NME7: variants seen among roughly 807,000 people sequenced by gnomAD.
The protein encoded by NME7 is nucleoside diphosphate kinase 7.
A neutral mutation model predicts 49.1 loss-of-function variants in NME7; 41 were observed. The observed-to-expected ratio is 0.83, with a 90% CI of 0.65 to 1.08. The LOEUF is 1.08. NME7 is among the 50% of genes least tolerant of loss of function. NME7 has a pLI of 0.00. For synonymous variants in NME7, 139 were observed against 150.6 expected (o/e 0.92, Z 0.56); for missense variants, 423 against 463.4 (o/e 0.91, Z 0.80).
At chr1:169,333,254 GA>G (rs369488318) in intron 1 of NME7, among the ~76,000 whole-genome samples, 18 of 151,676 alleles carry the variant, frequency 1.2e-4, no homozygotes, top group African/African-American at 3.9e-4. Flanking sequence ...TCTAAAAAAT[GA>G]AAAAAAATTG....
chr1:169,258,572 C>T (rs1017438436), intron 7 of NME7, among the ~76,000 whole-genome samples: 1 of 128,674 alleles, frequency 7.8e-6, no homozygotes, highest in South Asian at 2.4e-4. Flanking sequence ...ATTATAAGAA[C>T]ACTGTTTCTT....
At chr1:169,254,542 G>T (rs1452827117) in intron 7 of NME7, among the ~76,000 whole-genome samples, 2 of 151,564 alleles carry the variant, frequency 1.3e-5, no homozygotes, top group South Asian at 2.1e-4. Flanking sequence ...TTTTTGAAGG[G>T]TTTTTTGTAT....
chr1:169,149,583 C>T (rs1291817425), intron 11 of NME7, among the ~76,000 whole-genome samples: 1 of 151,876 alleles, frequency 6.6e-6, no homozygotes, highest in African/African-American at 2.4e-5. Context: ...ATAAATTATG[C>T]ACAGTTAAGG....
At chr1:169,213,560 G>C (rs1234069357) in intron 10 of NME7, among the ~76,000 whole-genome samples, 1 of 152,044 alleles carries the variant, frequency 6.6e-6, no homozygotes, top group East Asian at 1.9e-4. Flanking sequence ...CATCTTTCCT[G>C]TGTATCACTC....
chr1:169,286,173 A>G (rs1467704258), intron 7 of NME7: 4 of 151,642 alleles, frequency 2.6e-5, no homozygotes, highest in Non-Finnish European at 4.4e-5. Flanking sequence ...CATGTGTAGC[A>G]GTGTACACAC....
intron 11 of NME7, among the ~76,000 whole-genome samples, chr1:169,159,535 AC>A (rs1255305009): frequency 2.0e-5 from 3 of 152,356 alleles, no homozygotes; most frequent in African/African-American, 7.2e-5. Flanking sequence ...TGCTATTCTC[AC>A]ATGGCTCTGA....
chr1:169,367,260 T>C (rs910323575), intron 1 of NME7, among the ~76,000 whole-genome samples: 2 of 151,972 alleles, frequency 1.3e-5, no homozygotes, highest in Non-Finnish European at 2.9e-5. Context: ...ATGGCCCTCG[T>C]GGGGGCGTGG....
chr1:169,204,464 C>T (rs1169242707), intron 10 of NME7, among the ~76,000 whole-genome samples: 4 of 151,954 alleles, frequency 2.6e-5, no homozygotes, highest in Admixed American at 6.6e-5. Context: ...TATACTATAT[C>T]CAATGCTTCA....
chr1:169,285,236 T>A (rs1650225764), intron 7 of NME7: 2 of 152,072 alleles, frequency 1.3e-5, no homozygotes, highest in South Asian at 4.1e-4. Flanking sequence ...TGGTTGAAAA[T>A]GCTACAACGA....
At chr1:169,134,827 TA>T (rs1206166410) in intron 11 of NME7, among the ~76,000 whole-genome samples, 2 of 151,696 alleles carry the variant, frequency 1.3e-5, no homozygotes, top group Non-Finnish European at 2.9e-5. Flanking sequence ...GTAAATATGA[TA>T]AAAAGCATGG....
intron 10 of NME7, among the ~76,000 whole-genome samples, chr1:169,182,957 A>G (rs900193774): frequency 6.6e-6 from 1 of 152,188 alleles, no homozygotes; most frequent in Admixed American, 6.5e-5. Context: ...CTAAGTAACC[A>G]CCATTTATCT....
chr1:169,233,934 CTTT>C (rs1444803398), intron 9 of NME7, among the ~76,000 whole-genome samples: 1 of 150,030 alleles, frequency 6.7e-6, no homozygotes, highest in Non-Finnish European at 1.5e-5. Context: ...TCCTTTGTTT[CTTT>C]CTTTCTTCTT....
chr1:169,347,898 C>A (rs1349732279), intron 1 of NME7, among the ~76,000 whole-genome samples: 5 of 152,082 alleles, frequency 3.3e-5, no homozygotes, highest in African/African-American at 1.2e-4. Context: ...ATATGCAAAC[C>A]AAAATGGTTC....
intron 7 of NME7, among the ~76,000 whole-genome samples, chr1:169,275,963 G>A (rs1649701186): frequency 7.5e-6 from 1 of 133,294 alleles, no homozygotes; most frequent in Non-Finnish European, 1.8e-5. Context: ...TTTGTCTTTG[G>A]TTCTGTTTAT....
chr1:169,209,754 A>G (rs1031180171), intron 10 of NME7, among the ~76,000 whole-genome samples: 6 of 152,222 alleles, frequency 3.9e-5, no homozygotes, highest in African/African-American at 1.4e-4. Flanking sequence ...TGGCCTAAGC[A>G]ATCTCTTTAG....
chr1:169,176,660 A>G (rs1659760511), intron 10 of NME7, among the ~76,000 whole-genome samples: 1 of 152,112 alleles, frequency 6.6e-6, no homozygotes, highest in African/African-American at 2.4e-5. Context: ...AACAATAGGA[A>G]CTGGCTGAAG....
chr1:169,311,207 A>C (rs1332199800), intron 3 of NME7, among the ~76,000 whole-genome samples: 3 of 152,084 alleles, frequency 2.0e-5, no homozygotes, highest in Non-Finnish European at 2.9e-5. Context: ...TCAAGAGGTC[A>C]GGAGATCGAG....
intron 1 of NME7, among the ~76,000 whole-genome samples, chr1:169,359,342 C>G (rs947650082): frequency 2.0e-5 from 3 of 151,640 alleles, no homozygotes; most frequent in Admixed American, 6.6e-5. Context: ...GAACCCATGG[C>G]TACCCAGGGC....
chr1:169,225,413 T>A (rs188741003), intron 10 of NME7, among the ~76,000 whole-genome samples: 100 of 152,246 alleles, frequency 6.6e-4, no homozygotes, highest in African/African-American at 2.3e-3. Context: ...CGGTCCAGTT[T>A]GACGTTAGTG....
Sources: allele counts gnomAD v4.1 joint callset (sites outside exome capture counted in the v4.1 genomes callset), GRCh38; gene constraint gnomAD v4.1.1; transcripts MANE v1.5; gene names NCBI Gene and HGNC (gene_info 2026-07-23, HGNC 2026-07-21).